ATP8B4: variants seen among roughly 807,000 people sequenced by gnomAD.
ATP8B4 encodes the protein probable phospholipid-transporting ATPase IM.
ATP8B4 carries 133 observed loss-of-function variants against 145.6 expected under a neutral mutation model. The ratio of observed to expected loss-of-function variants is 0.91; its 90% CI spans 0.79 to 1.05. ATP8B4 has a LOEUF of 1.05. Ranked by LOEUF, ATP8B4 falls within the 50% of genes least tolerant of loss-of-function variation. The probability of loss-of-function intolerance (pLI) is 0.00; values close to 1 mark genes in which losing one functional copy is unlikely to be tolerated. For synonymous variants in ATP8B4, 507 were observed against 492.9 expected (o/e 1.03, Z -0.38); for missense variants, 1,458 against 1,425.2 (o/e 1.02, Z -0.37).
chr15:50,061,431 T>C (rs772572758), intron 3 of ATP8B4, among the ~76,000 whole-genome samples: 35 of 152,170 alleles, frequency 2.3e-4, no homozygotes, highest in Non-Finnish European at 3.4e-4. Context: ...CCACAGGCAA[T>C]AGCATATAGG....
At chr15:49,983,515 C>G (rs2046333050) in intron 10 of ATP8B4, among the ~76,000 whole-genome samples, 10 of 152,270 alleles carry the variant, frequency 6.6e-5, no homozygotes, top group Admixed American at 5.9e-4. Flanking sequence ...GGACCATCAC[C>G]TCTCAACTGT....
chr15:50,054,348 C>A (rs2052419106), intron 3 of ATP8B4, among the ~76,000 whole-genome samples: 1 of 152,200 alleles, frequency 6.6e-6, no homozygotes, highest in Admixed American at 6.5e-5. Context: ...ATGCTCACAA[C>A]TTACTGGCCA....
In ATP8B4 at chr15:49,987,567, A is replaced by G; in HGVS notation, c.590-18T>C. 6.2e-7 allele frequency: 1 copy of G among 1,608,080 alleles called. No individual in the cohort carries two copies. Among genetic ancestry groups the G allele is most frequent in the Non-Finnish European group, 8.5e-7 (1 of 1,177,828 alleles). On this transcript the variant is annotated intron_variant, in intron 9 of 27. Coordinates refer to ENST00000284509, the MANE Select transcript of ATP8B4 (RefSeq NM_024837.4). ...AACAATCCCTGGAAAATAAAAAAAC[A>G]AAACAAACCTCTTTATGACTCACCC...
At chr15:49,902,890 A>T (rs1374142370) in intron 20 of ATP8B4, among the ~76,000 whole-genome samples, 1 of 152,252 alleles carries the variant, frequency 6.6e-6, no homozygotes, top group African/African-American at 2.4e-5. Flanking sequence ...CCTTTTGAGT[A>T]AAGTTCTCAC....
chr15:49,938,225 A>T (rs1280341836), intron 14 of ATP8B4, among the ~76,000 whole-genome samples: 21 of 152,322 alleles, frequency 1.4e-4, no homozygotes, highest in African/African-American at 4.8e-4. Flanking sequence ...ACTACCACAC[A>T]ATAGAAACTA....
intron 10 of ATP8B4, among the ~76,000 whole-genome samples, chr15:49,987,089 A>G (rs934431320): frequency 3.3e-5 from 5 of 152,210 alleles, no homozygotes; most frequent in Non-Finnish European, 5.9e-5. Flanking sequence ...GACAAAGGTG[A>G]TTAAGATGGG....
At position 49,859,775 on chromosome 15, in the gene ATP8B4, T is replaced by C. The variant is rs928179487; in HGVS notation, c.*419A>G. 2 of 162,126 alleles carry C rather than the reference T, an allele frequency of 1.2e-5. No individual in the cohort carries two copies. The highest frequency in any genetic ancestry group is 4.8e-5 in the African/African-American group (2 of 41,662). 10.0% of individuals were successfully genotyped at this position (162,126 alleles called of 1,614,324 possible). On this transcript the variant is annotated 3_prime_UTR_variant, in exon 28 of 28. Coordinates refer to ENST00000284509, the MANE Select transcript of ATP8B4 (RefSeq NM_024837.4). ...GGGAAAGGCTGATCTTACAGATACA[T>C]GTTTATCTGTCAATAGGCATGCTTT...
intron 1 of ATP8B4, among the ~76,000 whole-genome samples, chr15:50,175,201 T>A (rs930246652): frequency 6.6e-6 from 1 of 152,092 alleles, no homozygotes; most frequent in Non-Finnish European, 1.5e-5. Flanking sequence ...TTCTAGAACA[T>A]AACATTGGAA....
intron 6 of ATP8B4, among the ~76,000 whole-genome samples, chr15:50,016,290 C>T (rs1203693503): frequency 1.3e-5 from 2 of 152,086 alleles, no homozygotes; most frequent in Non-Finnish European, 2.9e-5. Context: ...GAATAGATGG[C>T]TATAGATTAT....
intron 6 of ATP8B4, among the ~76,000 whole-genome samples, chr15:50,023,045 T>C (rs1599865393): frequency 1.3e-5 from 2 of 152,140 alleles, no homozygotes; most frequent in East Asian, 1.9e-4. Context: ...GCCCTTTTAA[T>C]TACTTTCTGG....
chr15:49,996,806 A>G (rs1304159980), intron 8 of ATP8B4, 47 bp from the exon 9 acceptor site: 1 of 1,466,084 alleles, frequency 6.8e-7, no homozygotes, highest in South Asian at 1.2e-5. Flanking sequence ...GAACAGCCCA[A>G]CAGCATCCTA....
chr15:49,952,164 A>G (rs115898857), intron 14 of ATP8B4, among the ~76,000 whole-genome samples: 11,473 of 152,194 alleles, frequency 0.075, 474 homozygotes, highest in Middle Eastern at 0.095. Context: ...TCTGAAGATT[A>G]TATGCCTTGG....
At chr15:49,901,910 T>G in intron 20 of ATP8B4, 2 of 364,574 alleles carry the variant, frequency 5.5e-6, no homozygotes, top group Non-Finnish European at 1.1e-5. Context: ...TTGTTCCAAA[T>G]GGAAACGCCC....
chr15:50,039,122 C>G (rs2051071908), intron 5 of ATP8B4, among the ~76,000 whole-genome samples: 1 of 152,196 alleles, frequency 6.6e-6, no homozygotes, highest in Non-Finnish European at 1.5e-5. Context: ...TCTACTGTAC[C>G]TTATAGTCTC....
Position 49,924,105 on chromosome 15 carries a change from C to A in ATP8B4, c.1643-611G>T, listed in dbSNP as rs577630253. 2.0e-5 allele frequency among the ~76,000 whole-genome samples: 3 copies of A among 152,258 alleles called. No homozygotes were observed. The South Asian group carries it at 6.2e-4, about 32-fold the overall frequency. On this transcript the variant is annotated intron_variant, in intron 16 of 27. Transcript: ENST00000284509. ...AAATAAAGTTTCCACCTCATTCCCACTGGAAGTCTATATCGGTAGTACTGT... is the reference window on the plus strand; with the variant it reads ...AAATAAAGTTTCCACCTCATTCCCAATGGAAGTCTATATCGGTAGTACTGT...
At chr15:49,927,028 A>T (rs2040786659) in intron 16 of ATP8B4, among the ~76,000 whole-genome samples, 2 of 152,180 alleles carry the variant, frequency 1.3e-5, no homozygotes, top group Admixed American at 1.3e-4. Flanking sequence ...TTTAATGGTT[A>T]TCTGCCACTT....
intron 6 of ATP8B4, among the ~76,000 whole-genome samples, chr15:50,022,680 C>A (rs1051684821): frequency 6.6e-6 from 1 of 152,180 alleles, no homozygotes; most frequent in Non-Finnish European, 1.5e-5. Flanking sequence ...AACTAGAGTG[C>A]CCCAAAAAAT....
At chr15:50,107,151 C>T (rs868605506) in intron 1 of ATP8B4, 143 bp from the exon 2 acceptor site, 24 of 503,924 alleles carry the variant, frequency 4.8e-5, no homozygotes, top group African/African-American at 4.6e-4. Context: ...ATTTATGAGG[C>T]TTTAGTCCAG....
intron 13 of ATP8B4, among the ~76,000 whole-genome samples, chr15:49,965,825 T>C (rs2044480724): frequency 6.6e-6 from 1 of 152,112 alleles, no homozygotes; most frequent in Non-Finnish European, 1.5e-5. Context: ...TGGGGGGACC[T>C]GGGCAAGATG....
Sources: gnomAD v4.1 joint callset for allele counts (sites outside exome capture counted in the v4.1 genomes callset) on GRCh38, gnomAD v4.1.1 for gene constraint, MANE v1.5 for transcripts, NCBI Gene and HGNC (gene_info 2026-07-23, HGNC 2026-07-21) for gene names.